Variants in XPO4 observed in about 807,000 individuals in gnomAD.
The protein encoded by XPO4 is exportin 4, also known as exportin-4.
Under a neutral mutation model 143.0 loss-of-function variants are expected in XPO4, and 39 were observed. That is an observed-to-expected ratio of 0.27 (90% CI 0.21 to 0.36). The LOEUF is 0.36. XPO4 is among the 10% of genes least tolerant of loss of function. The probability of loss-of-function intolerance (pLI) is 1.00; values close to 1 mark genes in which losing one functional copy is unlikely to be tolerated. For missense variants in XPO4, 907 were observed against 1,348.0 expected, an observed-to-expected ratio of 0.67 and a Z score of 5.12; for synonymous variants, 439 against 474.0, an observed-to-expected ratio of 0.93 and a Z score of 0.96.
chr13:20,788,506 G>C lies in XPO4; in HGVS notation c.3027C>G (p.Ser1009=), dbSNP rs1023646220. The change falls in exon 20 of 23, where the codon TCC becomes TCG. Residue 1009 remains serine (S), a synonymous_variant. Transcript: ENST00000255305. ...GATATGATGTCATTCCTAATTCTAG[G>C]GAGTACATCAGACTTTTAAACAGAT... is the stretch of plus-strand genomic sequence containing the variant. ...PEDLFKSLMY[S]LELGMTSMSS... 3.0e-5 allele frequency: 49 copies of C among 1,612,228 alleles called. No homozygotes were observed. Among genetic ancestry groups the C allele is most frequent in the Non-Finnish European group, 4.2e-5 (49 of 1,179,300 alleles).
At chr13:20,787,326 A>T (rs1472823660) in intron 21 of XPO4, among the ~76,000 whole-genome samples, 155 bp downstream of exon 21, 1 of 152,230 alleles carries the variant, frequency 6.6e-6, no homozygotes, top group African/African-American at 2.4e-5. Context: ...GTGTCCATGA[A>T]GAGCTGATCT....
intron 20 of XPO4, 94 bp downstream of exon 20, chr13:20,788,392 G>T: frequency 6.6e-7 from 1 of 1,504,994 alleles, no homozygotes; most frequent in East Asian, 2.4e-5. Flanking sequence ...AACCATAAAA[G>T]AAAAATGAAA....
chr13:20,830,981 C>T (rs1365495727), intron 6 of XPO4, among the ~76,000 whole-genome samples: 1 of 152,062 alleles, frequency 6.6e-6, no homozygotes, highest in Non-Finnish European at 1.5e-5. Context: ...CATATCTTTA[C>T]ATTCAAAATA....
intron 4 of XPO4, chr13:20,849,386 C>G (rs2785740): frequency 0.19 from 184,929 of 984,552 alleles, 20,863 homozygotes; most frequent in East Asian, 0.79. Context: ...CTAAATTAAA[C>G]AGCTTTAAAG....
In XPO4 at chr13:20,803,831, G is replaced by A. The variant is rs2059467076; in HGVS notation, c.1818-2841C>T. Among the ~76,000 whole-genome samples the A allele has an allele frequency of 6.6e-6, 1 of 152,148 alleles. No homozygotes were observed. The highest frequency in any genetic ancestry group is 1.5e-5 in the Non-Finnish European group (1 of 68,032). The stretch of plus-strand genomic sequence containing the variant: ...TCAAACCAGACTGACTCCATCTTGA[G>A]TGAGGGCTAGGAAAATGATGCTGGG... On this transcript the variant is annotated intron_variant, in intron 13 of 22. Transcript: ENST00000255305. This position sits in a 1 kb window ranked among gnomAD's most constrained non-coding sequence, Gnocchi z 4.1.
intron 1 of XPO4, among the ~76,000 whole-genome samples, chr13:20,895,514 C>T (rs1245839746): frequency 6.6e-6 from 1 of 151,980 alleles, no homozygotes; most frequent in Non-Finnish European, 1.5e-5. Context: ...TGCCTGTAAT[C>T]CTAGCTACTC....
At position 20,783,782 on chromosome 13, in the gene XPO4, G is replaced by T; in HGVS notation, c.3396C>A (p.Ala1132=). 1 of 1,614,194 alleles carries T rather than the reference G, an allele frequency of 6.2e-7. No individual in the cohort carries two copies. The highest frequency in any genetic ancestry group is 8.5e-7 in the Non-Finnish European group (1 of 1,180,030). Residue 1132 remains alanine (A), a synonymous_variant, in exon 23 of 23, where the codon GCC becomes GCA. Transcript: ENST00000255305. ...TAAATTCTTCTAAACTCTTTAAGAAGGCCATCTTCTGCTTCCGATCCAGCG... is the reference window on the plus strand; with the variant it reads ...TAAATTCTTCTAAACTCTTTAAGAATGCCATCTTCTGCTTCCGATCCAGCG... ...PPTLDRKQKM[A]FLKSLEEFMA...
intron 1 of XPO4, among the ~76,000 whole-genome samples, chr13:20,898,735 C>T (rs1010611561): frequency 7.9e-5 from 12 of 152,080 alleles, no homozygotes; most frequent in African/African-American, 2.2e-4. Flanking sequence ...ATAAATAAAG[C>T]GCTCTTTGGA....
chr13:20,902,371 C>G, intron 1 of XPO4: 1 of 985,408 alleles, frequency 1.0e-6, no homozygotes, highest in Non-Finnish European at 1.2e-6. Flanking sequence ...TGCTCTGCGA[C>G]CCAGTCTGTG....
At chr13:20,791,335 C>T (rs1217249006) in intron 18 of XPO4, among the ~76,000 whole-genome samples, 8 of 152,190 alleles carry the variant, frequency 5.3e-5, no homozygotes, top group Middle Eastern at 6.8e-3. Flanking sequence ...TGTGGTTAAC[C>T]TCAAAAGCAA....
intron 16 of XPO4, among the ~76,000 whole-genome samples, chr13:20,797,355 G>A (rs2059372648): frequency 6.6e-6 from 1 of 152,068 alleles, no homozygotes; most frequent in South Asian, 2.1e-4. Context: ...AAAAAACTTT[G>A]TTTACAAAAT....
At chr13:20,850,350 G>C (rs1355006108) in intron 4 of XPO4, 1 of 884,482 alleles carries the variant, frequency 1.1e-6, no homozygotes, top group Admixed American at 6.2e-5. Context: ...GTTAATTTAA[G>C]TTAGGTTGGC....
intron 2 of XPO4, among the ~76,000 whole-genome samples, chr13:20,867,209 G>A (rs1386940455): frequency 1.3e-5 from 2 of 152,160 alleles, no homozygotes; most frequent in African/African-American, 2.4e-5. Flanking sequence ...ACTGAAATAA[G>A]TAAATTAATT....
chr13:20,895,285 A>G (rs978457365), intron 1 of XPO4, among the ~76,000 whole-genome samples: 6 of 152,208 alleles, frequency 3.9e-5, no homozygotes, highest in Non-Finnish European at 7.3e-5. Context: ...TATTAAAACT[A>G]TATTAAGCAC....
chr13:20,810,921 T>C (rs2059574150), intron 9 of XPO4, among the ~76,000 whole-genome samples: 1 of 152,158 alleles, frequency 6.6e-6, no homozygotes, highest in Admixed American at 6.5e-5. Flanking sequence ...ACTACACCAC[T>C]GAGAAAGAAG....
chr13:20,833,118 C>T (rs1378046925), intron 6 of XPO4, among the ~76,000 whole-genome samples: 2 of 152,114 alleles, frequency 1.3e-5, no homozygotes, highest in African/African-American at 4.8e-5. Context: ...ACCAGGTGAA[C>T]TACTAGCCGA....
chr13:20,849,338 C>A (rs2060060917), intron 4 of XPO4: 1 of 985,390 alleles, frequency 1.0e-6, no homozygotes, highest in Non-Finnish European at 1.2e-6. Flanking sequence ...ACCCACTTCT[C>A]TCTAGTATGG....
chr13:20,893,735 C>T (rs2060541227), intron 1 of XPO4, among the ~76,000 whole-genome samples: 1 of 116,418 alleles, frequency 8.6e-6, no homozygotes, highest in Admixed American at 8.0e-5. Flanking sequence ...TGCGCCACTG[C>T]ACTCCTGGCT....
chr13:20,850,755 G>A (rs1288342879), intron 4 of XPO4: 1 of 970,152 alleles, frequency 1.0e-6, no homozygotes, highest in Non-Finnish European at 1.2e-6. Flanking sequence ...ATAGAGCGAG[G>A]CCCTGTTTCT....
Sources: allele counts gnomAD v4.1 joint callset (sites outside exome capture counted in the v4.1 genomes callset), GRCh38; gene constraint gnomAD v4.1.1; non-coding constraint Gnocchi (gnomAD v3.1); transcripts MANE v1.5; gene names NCBI Gene and HGNC (gene_info 2026-07-23, HGNC 2026-07-21).